FGGY: variants seen among roughly 807,000 people sequenced by gnomAD.
FGGY encodes FGGY carbohydrate kinase domain containing.
In FGGY, 72 loss-of-function variants were observed where a neutral mutation model predicts 71.3. That is an observed-to-expected ratio of 1.01 (90% confidence interval 0.84 to 1.23). The LOEUF is 1.23. FGGY is among the 50% of genes most tolerant of loss of function. The pLI, the probability that FGGY is intolerant of heterozygous loss-of-function variation, is 0.00. For missense variants in FGGY, 668 were observed against 682.3 expected, an observed-to-expected ratio of 0.98 and a Z score of 0.23; for synonymous variants, 251 against 250.3, an observed-to-expected ratio of 1.00 and a Z score of -0.02.
chr1:59,305,030 C>A (rs543980654), intron 1 of FGGY, among the ~76,000 whole-genome samples: 2 of 152,208 alleles, frequency 1.3e-5, no homozygotes, highest in African/African-American at 4.8e-5. Context: ...CCCTTCCTTT[C>A]CAATCTGGAT....
intron 14 of FGGY, among the ~76,000 whole-genome samples, chr1:59,720,185 A>C (rs2097877614): frequency 6.6e-6 from 1 of 152,216 alleles, no homozygotes; most frequent in Non-Finnish European, 1.5e-5. Context: ...TAGAGATAGA[A>C]AAGGCAACAG....
chr1:59,451,570 A>G (rs2072732387), intron 5 of FGGY, among the ~76,000 whole-genome samples: 1 of 152,052 alleles, frequency 6.6e-6, no homozygotes, highest in Non-Finnish European at 1.5e-5. Context: ...AAAGAGACAC[A>G]CAGAGTGAGA....
chr1:59,329,736 C>A (rs76658352), intron 2 of FGGY, among the ~76,000 whole-genome samples: 2,941 of 152,348 alleles, frequency 0.019, 106 homozygotes, highest in African/African-American at 0.068. Flanking sequence ...AACTCCTGTT[C>A]ATCCTTAGAC....
chr1:59,721,857 C>A (rs899009836), intron 14 of FGGY, among the ~76,000 whole-genome samples: 3 of 152,192 alleles, frequency 2.0e-5, no homozygotes, highest in African/African-American at 7.2e-5. Context: ...CCAAGATTAA[C>A]CAACTTGTAT....
At chr1:59,605,719 G>T (rs1254353797) in intron 8 of FGGY, among the ~76,000 whole-genome samples, 1 of 151,970 alleles carries the variant, frequency 6.6e-6, no homozygotes, top group African/African-American at 2.4e-5. Flanking sequence ...AAATCCTACT[G>T]ATTTGAGGAA....
chr1:59,461,823 T>C (rs1212000804), intron 6 of FGGY, among the ~76,000 whole-genome samples: 4 of 152,156 alleles, frequency 2.6e-5, no homozygotes, highest in Non-Finnish European at 5.9e-5. Flanking sequence ...TTTTATTTTT[T>C]TCTTCTATTA....
intron 11 of FGGY, among the ~76,000 whole-genome samples, chr1:59,659,086 C>T (rs773795195): frequency 2.6e-5 from 4 of 152,100 alleles, no homozygotes; most frequent in East Asian, 1.9e-4. Flanking sequence ...TCTGTAATTC[C>T]AGCTACTGGG....
chr1:59,453,425 A>T (rs752930379), intron 5 of FGGY, among the ~76,000 whole-genome samples: 25 of 152,204 alleles, frequency 1.6e-4, no homozygotes, highest in Non-Finnish European at 3.2e-4. Context: ...TTGCTGTATT[A>T]TGAACCACAA....
chr1:59,374,843 G>A (rs1047654272), intron 4 of FGGY, among the ~76,000 whole-genome samples: 25 of 145,048 alleles, frequency 1.7e-4, no homozygotes, highest in African/African-American at 5.9e-4. Flanking sequence ...TCACTCATAG[G>A]TGGGAATTGA....
rs557901973 is a variant in FGGY at position 59,372,019 on chromosome 1, A to G, written c.466-6730A>G. Among the ~76,000 whole-genome samples, 399 of 152,248 alleles carry G rather than the reference A, an allele frequency of 2.6e-3. 1 individual carries two copies. Among genetic ancestry groups the G allele is most frequent in the African/African-American group, 9.1e-3 (378 of 41,516 alleles). Reference sequence around the variant, plus strand: ...AAGAACTAGAAAAGCAAGAGCAAACACATTCAAAAGCTAGCAGAAGGCGAG... The same window carrying G: ...AAGAACTAGAAAAGCAAGAGCAAACGCATTCAAAAGCTAGCAGAAGGCGAG... On this transcript the variant is annotated intron_variant, in intron 4 of 15. Transcript: ENST00000303721.
intron 10 of FGGY, among the ~76,000 whole-genome samples, chr1:59,630,302 C>T (rs1233539019): frequency 6.6e-6 from 1 of 152,120 alleles, no homozygotes; most frequent in East Asian, 1.9e-4. Context: ...TCAACTACTA[C>T]TATTACTACT....
At chr1:59,683,981 G>C (rs1334102221) in intron 14 of FGGY, among the ~76,000 whole-genome samples, 2 of 152,178 alleles carry the variant, frequency 1.3e-5, no homozygotes, top group African/African-American at 4.8e-5. Context: ...TGGGTGGGCT[G>C]TGATAGTTGG....
intron 4 of FGGY, among the ~76,000 whole-genome samples, chr1:59,376,743 A>G (rs1359355987): frequency 6.6e-6 from 1 of 152,168 alleles, no homozygotes; most frequent in East Asian, 1.9e-4. Flanking sequence ...TGTTGCCTTT[A>G]GGTTCCCAGA....
intron 8 of FGGY, among the ~76,000 whole-genome samples, chr1:59,577,126 T>G (rs2153744282): frequency 6.6e-6 from 1 of 152,316 alleles, no homozygotes; most frequent in Non-Finnish European, 1.5e-5. Flanking sequence ...GCCGCCATCC[T>G]TACCTCCTCC....
intron 8 of FGGY, among the ~76,000 whole-genome samples, chr1:59,583,973 G>A (rs2096240394): frequency 8.7e-6 from 1 of 115,448 alleles, no homozygotes; most frequent in African/African-American, 3.5e-5. Context: ...TTTTGTTCCT[G>A]GACTACTCAG....
At chr1:59,463,522 A>C (rs750643364) in intron 6 of FGGY, among the ~76,000 whole-genome samples, 44 of 152,196 alleles carry the variant, frequency 2.9e-4, no homozygotes, top group Non-Finnish European at 6.3e-4. Flanking sequence ...TATTAACCTT[A>C]AATTTAAATG....
chr1:59,565,821 T>G (rs1022019211), intron 8 of FGGY, among the ~76,000 whole-genome samples: 1 of 152,172 alleles, frequency 6.6e-6, no homozygotes, highest in Non-Finnish European at 1.5e-5. Context: ...TTTTTCCCAG[T>G]CTTCCAAATC....
At chr1:59,653,321 C>G (rs967089617) in intron 11 of FGGY, among the ~76,000 whole-genome samples, 3 of 152,236 alleles carry the variant, frequency 2.0e-5, no homozygotes, top group Non-Finnish European at 2.9e-5. Context: ...CCTAAGCAAG[C>G]CTGGGCAATG....
At chr1:59,346,098 C>G in intron 3 of FGGY, 149 bp from the exon 4 acceptor site, 1 of 993,330 alleles carries the variant, frequency 1.0e-6, no homozygotes, top group Non-Finnish European at 1.5e-6. Flanking sequence ...TTTCCTCAGC[C>G]TTGCTGGTGT....
Sources: allele counts gnomAD v4.1 joint callset (sites outside exome capture counted in the v4.1 genomes callset), GRCh38; gene constraint gnomAD v4.1.1; transcripts MANE v1.5; gene names NCBI Gene and HGNC (gene_info 2026-07-23, HGNC 2026-07-21).